STX18: variants seen among roughly 807,000 people sequenced by gnomAD.
STX18 encodes the protein syntaxin 18.
STX18 carries 40 observed loss-of-function variants against 50.1 expected under a neutral mutation model. The ratio of observed to expected loss-of-function variants is 0.80; its 90% CI spans 0.62 to 1.04. STX18 has a LOEUF of 1.04. Among genes scored for constraint, STX18 ranks in the 50% least tolerant of loss-of-function variants. The probability of loss-of-function intolerance (pLI) is 0.00; values close to 1 mark genes in which losing one functional copy is unlikely to be tolerated. For synonymous variants in STX18, 158 were observed against 151.8 expected, an observed-to-expected ratio of 1.04 and a Z score of -0.30; for missense variants, 410 against 415.8, an observed-to-expected ratio of 0.99 and a Z score of 0.12.
chr4:4,421,260 C>T (rs550239647), intron 9 of STX18, among the ~76,000 whole-genome samples: 6 of 152,098 alleles, frequency 3.9e-5, no homozygotes, highest in Non-Finnish European at 7.3e-5. Flanking sequence ...AAACTCACGG[C>T]TCAGAGAAGT....
At chr4:4,433,756 T>C (rs1725639616) in intron 7 of STX18, among the ~76,000 whole-genome samples, 1 of 152,032 alleles carries the variant, frequency 6.6e-6, no homozygotes, top group African/African-American at 2.4e-5. Context: ...AGAGAGAGCT[T>C]GAAATTTCAG....
intron 1 of STX18, among the ~76,000 whole-genome samples, chr4:4,538,960 G>C (rs946387925): frequency 3.9e-5 from 6 of 152,210 alleles, no homozygotes; most frequent in African/African-American, 1.2e-4. Context: ...TTAATGGGTA[G>C]ACATGCATTT....
intron 1 of STX18, among the ~76,000 whole-genome samples, chr4:4,540,623 T>TA (rs1254595867): frequency 6.6e-6 from 1 of 152,158 alleles, no homozygotes; most frequent in African/African-American, 2.4e-5. Context: ...TTATGGCACT[T>TA]GTTTTATGTC....
intron 2 of STX18, among the ~76,000 whole-genome samples, chr4:4,462,917 A>G (rs1727455476): frequency 6.6e-6 from 1 of 152,222 alleles, no homozygotes; most frequent in African/African-American, 2.4e-5. Context: ...ATGAGAATCC[A>G]TGCTGCAGTA....
At chr4:4,453,128 C>T (rs1479578806) in intron 5 of STX18, among the ~76,000 whole-genome samples, 1 of 152,194 alleles carries the variant, frequency 6.6e-6, no homozygotes, top group South Asian at 2.1e-4. Context: ...GTTGAAATAA[C>T]AAGGAAGGGC....
At chr4:4,466,491 T>TA (rs1379609117) in intron 2 of STX18, among the ~76,000 whole-genome samples, 1 of 152,104 alleles carries the variant, frequency 6.6e-6, no homozygotes, top group African/African-American at 2.4e-5. Flanking sequence ...TCTACGATGA[T>TA]AAGGACTACA....
intron 3 of STX18, 73 bp downstream of exon 3, chr4:4,459,299 C>G (rs756355724): frequency 9.4e-5 from 99 of 1,051,390 alleles, no homozygotes; most frequent in Non-Finnish European, 1.4e-4. Flanking sequence ...TTTAACTGGC[C>G]GCACCATATG....
At position 4,434,827 on chromosome 4, in the gene STX18, C is replaced by T. The variant is rs1339779073; in HGVS notation, c.645G>A (p.Leu215=). ...CGCCTTTGCCATCTCCCCACGTTCC[C>T]AATTCAGGTTGTGTTTCAGCCAAAA... The part of the protein sequence containing the change: ...EKILAETQPE[L]GTWGDGKGED... Residue 215 remains leucine, a synonymous_variant, in exon 7 of 11, where the codon TTG becomes TTA. Coordinates refer to ENST00000306200, the MANE Select transcript of STX18 (RefSeq NM_016930.4). 1 of 1,603,474 alleles carries T rather than the reference C, an allele frequency of 6.2e-7. No individual in the cohort carries two copies. Among genetic ancestry groups the T allele is most frequent in the Non-Finnish European group, 8.5e-7 (1 of 1,177,144 alleles).
intron 2 of STX18, among the ~76,000 whole-genome samples, chr4:4,460,031 C>T (rs191842613): frequency 5.3e-5 from 8 of 152,280 alleles, no homozygotes; most frequent in Non-Finnish European, 1.0e-4. Context: ...GAGGCCTTCC[C>T]TAATCCTTCT....
intron 1 of STX18, among the ~76,000 whole-genome samples, chr4:4,486,481 C>A (rs73086296): frequency 2.3e-3 from 355 of 152,320 alleles, no homozygotes; most frequent in African/African-American, 8.3e-3. Flanking sequence ...AAAATGATCA[C>A]CGCAAACACT....
At chr4:4,482,551 C>T (rs986844765) in intron 1 of STX18, among the ~76,000 whole-genome samples, 3 of 152,218 alleles carry the variant, frequency 2.0e-5, no homozygotes, top group Non-Finnish European at 4.4e-5. Context: ...TCAGTCCCAT[C>T]CACTCACCTT....
chr4:4,438,232 A>G (rs1445775250), intron 6 of STX18, among the ~76,000 whole-genome samples, 162 bp downstream of exon 6: 2 of 152,260 alleles, frequency 1.3e-5, no homozygotes. Flanking sequence ...ACGAAGATCA[A>G]CTGTGACAGA....
intron 5 of STX18, among the ~76,000 whole-genome samples, chr4:4,447,592 CAAAAAAAAAAAAAAAAAAAAAAAAA>C (rs34300930): frequency 1.1e-4 from 5 of 45,878 alleles, no homozygotes; most frequent in Admixed American, 4.1e-4. Context: ...CTCCGTCTCA[CAAAAAAAAAAAAAAAAAAAAAAAAA>C]AAAAAAAAAA....
intron 1 of STX18, among the ~76,000 whole-genome samples, chr4:4,517,759 T>G (rs1457144467): frequency 6.6e-6 from 1 of 152,020 alleles, no homozygotes; most frequent in African/African-American, 2.4e-5. Flanking sequence ...ATCATTCCCT[T>G]TATAAGTGTT....
intron 1 of STX18, among the ~76,000 whole-genome samples, chr4:4,505,927 G>A (rs1212963793): frequency 6.6e-6 from 1 of 152,170 alleles, no homozygotes; most frequent in East Asian, 1.9e-4. Context: ...GCAATAAGTG[G>A]CCCTTTGTGC....
intron 1 of STX18, among the ~76,000 whole-genome samples, chr4:4,507,957 A>G (rs1402791640): frequency 1.3e-5 from 2 of 152,180 alleles, no homozygotes; most frequent in African/African-American, 4.8e-5. Context: ...ACCATGCCAC[A>G]GAGGCGACCT....
At position 4,482,389 on chromosome 4, in the gene STX18, T is replaced by A. The variant is rs559723461; in HGVS notation, c.169-10683A>T. On this transcript the variant is annotated intron_variant, in intron 1 of 10. Coordinates refer to ENST00000306200, the MANE Select transcript of STX18 (RefSeq NM_016930.4). ...GCAATATGTCCCAACGGTATCCTCA[T>A]GCAGCCACTCACACCCTCTGGCTTA... 2.6e-5 allele frequency among the ~76,000 whole-genome samples: 4 copies of A among 152,218 alleles called. No homozygotes were observed. In the East Asian group the frequency reaches 7.7e-4, roughly 29 times the overall value.
intron 2 of STX18, among the ~76,000 whole-genome samples, chr4:4,467,629 T>C (rs1727684455): frequency 6.6e-6 from 1 of 152,082 alleles, no homozygotes; most frequent in African/African-American, 2.4e-5. Context: ...TTAACAGCAG[T>C]GCCTTCCTCA....
intron 1 of STX18, among the ~76,000 whole-genome samples, chr4:4,478,395 G>A (rs1728300689): frequency 6.6e-6 from 1 of 152,164 alleles, no homozygotes; most frequent in Admixed American, 6.5e-5. Flanking sequence ...CAGAAAGACT[G>A]GCAGTACAAC....
Sources: gnomAD v4.1 joint callset for allele counts (sites outside exome capture counted in the v4.1 genomes callset) on GRCh38, gnomAD v4.1.1 for gene constraint, MANE v1.5 for transcripts, NCBI Gene and HGNC (gene_info 2026-07-23, HGNC 2026-07-21) for gene names.